Variants in CCSER1 observed in about 807,000 individuals in gnomAD.
CCSER1 encodes the protein coiled-coil serine rich protein 1.
In CCSER1, 41 loss-of-function variants were observed where a neutral mutation model predicts 82.0. That is an observed-to-expected ratio of 0.50 (90% CI 0.39 to 0.65). The LOEUF is 0.65. Ranked by LOEUF, CCSER1 falls within the 30% of genes least tolerant of loss-of-function variation. The probability of loss-of-function intolerance (pLI) is 0.00; values close to 1 mark genes in which losing one functional copy is unlikely to be tolerated. For missense variants in CCSER1, 1,119 were observed against 1,064.2 expected (o/e 1.05, Z -0.72); for synonymous variants, 414 against 383.9 (o/e 1.08, Z -0.92).
At chr4:90,210,764 TA>T (rs1739837265) in intron 1 of CCSER1, among the ~76,000 whole-genome samples, 1 of 152,186 alleles carries the variant, frequency 6.6e-6, no homozygotes, top group Admixed American at 6.5e-5. Flanking sequence ...CTATCATTTC[TA>T]ATAAAATAAA....
At chr4:90,130,936 T>C (rs1445101556) in intron 1 of CCSER1, among the ~76,000 whole-genome samples, 1 of 152,146 alleles carries the variant, frequency 6.6e-6, no homozygotes, top group Non-Finnish European at 1.5e-5. Flanking sequence ...TATTCTTGAA[T>C]TTAATTGTTA....
intron 5 of CCSER1, among the ~76,000 whole-genome samples, chr4:90,492,426 G>T (rs1052073185): frequency 1.2e-4 from 18 of 151,812 alleles, no homozygotes; most frequent in African/African-American, 4.1e-4. Flanking sequence ...TTATTAGTCT[G>T]GCTAGGAGAC....
Position 91,128,089 on chromosome 4 carries a change from A to G in CCSER1, c.2217+42095A>G, listed in dbSNP as rs58055344. On this transcript the variant is annotated intron_variant, in intron 10 of 10. Coordinates refer to ENST00000509176, the MANE Select transcript of CCSER1 (RefSeq NM_001145065.2). ...CCACATGCCACTGTGGATGTCAGCCATGCCATGTCTGTTATCAGGAGTCTG... is the reference window on the plus strand; with the variant it reads ...CCACATGCCACTGTGGATGTCAGCCGTGCCATGTCTGTTATCAGGAGTCTG... Among the ~76,000 whole-genome samples, 652 of 152,158 alleles carry G rather than the reference A, an allele frequency of 4.3e-3. 3 individuals are homozygous for G. Among genetic ancestry groups the G allele is most frequent in the African/African-American group, 0.015 (613 of 41,550 alleles).
chr4:90,924,634 G>A (rs924561923), intron 9 of CCSER1, among the ~76,000 whole-genome samples: 1 of 151,976 alleles, frequency 6.6e-6, no homozygotes, highest in Non-Finnish European at 1.5e-5. Flanking sequence ...TAATTTTATG[G>A]TCCTTAAAGA....
chr4:91,255,762 C>T (rs1224960265), intron 10 of CCSER1, among the ~76,000 whole-genome samples: 1 of 152,162 alleles, frequency 6.6e-6, no homozygotes, highest in East Asian at 1.9e-4. Flanking sequence ...ATTTCATGGA[C>T]ATTTATCACT....
intron 1 of CCSER1, among the ~76,000 whole-genome samples, chr4:90,210,594 C>T (rs1739796825): frequency 2.0e-5 from 3 of 152,010 alleles, no homozygotes; most frequent in Non-Finnish European, 4.4e-5. Flanking sequence ...CAGGCATGTG[C>T]CACCATACCT....
At chr4:90,259,751 A>G (rs1186860005) in intron 1 of CCSER1, among the ~76,000 whole-genome samples, 1 of 152,134 alleles carries the variant, frequency 6.6e-6, no homozygotes, top group Non-Finnish European at 1.5e-5. Context: ...GCTATGTGAT[A>G]TATCACATTT....
chr4:91,314,560 A>G (rs1745698841), intron 10 of CCSER1, among the ~76,000 whole-genome samples: 1 of 151,988 alleles, frequency 6.6e-6, no homozygotes, highest in African/African-American at 2.4e-5. Context: ...TGTATCCCAG[A>G]CTAGCTCTCT....
intron 6 of CCSER1, among the ~76,000 whole-genome samples, chr4:90,686,161 C>A (rs1457366487): frequency 1.3e-5 from 2 of 152,080 alleles, no homozygotes; most frequent in South Asian, 2.1e-4. Context: ...GCTTATCCAG[C>A]AAGTTATTTA....
intron 10 of CCSER1, among the ~76,000 whole-genome samples, chr4:91,530,684 C>CTT (rs35485374): frequency 1.5e-5 from 2 of 136,478 alleles, no homozygotes; most frequent in Non-Finnish European, 3.1e-5. Flanking sequence ...ATTTTTCTTT[C>CTT]TTTTTTTTTT....
chr4:90,999,575 T>C (rs1737808604), intron 9 of CCSER1, among the ~76,000 whole-genome samples: 1 of 152,134 alleles, frequency 6.6e-6, no homozygotes, highest in East Asian at 1.9e-4. Flanking sequence ...TTTAATGGGG[T>C]TATTTGTTTT....
At chr4:90,574,520 G>C (rs978854764) in intron 5 of CCSER1, among the ~76,000 whole-genome samples, 6 of 150,570 alleles carry the variant, frequency 4.0e-5, no homozygotes, top group Non-Finnish European at 8.9e-5. Context: ...CACCCGCCTC[G>C]GCCTCCCAAA....
chr4:90,895,258 A>C (rs770011695), intron 8 of CCSER1, among the ~76,000 whole-genome samples: 1 of 151,934 alleles, frequency 6.6e-6, no homozygotes, highest in Non-Finnish European at 1.5e-5. Context: ...AATAATATTT[A>C]AGGGTGCCTG....
chr4:90,918,399 G>A (rs903026945), intron 8 of CCSER1: 5 of 378,964 alleles, frequency 1.3e-5, no homozygotes, highest in South Asian at 2.0e-5. Flanking sequence ...ATTTCAGCTC[G>A]TTTTACAGCA....
At chr4:90,583,073 T>G (rs549996191) in intron 5 of CCSER1, among the ~76,000 whole-genome samples, 1 of 152,314 alleles carries the variant, frequency 6.6e-6, no homozygotes, top group East Asian at 1.9e-4. Flanking sequence ...TTATTTTACC[T>G]CAAATTAACC....
chr4:90,520,040 C>G (rs77042547), intron 5 of CCSER1, among the ~76,000 whole-genome samples: 4 of 151,924 alleles, frequency 2.6e-5, no homozygotes, highest in African/African-American at 4.8e-5. Flanking sequence ...TTAAGCCTCC[C>G]AAAGCTCCAT....
chr4:90,444,327 A>G (rs1411233947), intron 4 of CCSER1, among the ~76,000 whole-genome samples: 1 of 152,066 alleles, frequency 6.6e-6, no homozygotes, highest in East Asian at 1.9e-4. Flanking sequence ...TGTCAAAGAA[A>G]GAAGATAAGT....
intron 8 of CCSER1, among the ~76,000 whole-genome samples, chr4:90,860,367 G>A (rs936253385): frequency 2.0e-5 from 3 of 151,530 alleles, no homozygotes; most frequent in African/African-American, 7.3e-5. Flanking sequence ...ATATTAGCAA[G>A]GATATGGAGA....
At chr4:90,307,840 C>T (rs1734588086) in intron 1 of CCSER1, among the ~76,000 whole-genome samples, 1 of 151,950 alleles carries the variant, frequency 6.6e-6, no homozygotes, top group South Asian at 2.1e-4. Context: ...GGGGCATTTA[C>T]CCAGACAGAA....
Sources: gnomAD v4.1 joint callset for allele counts (sites outside exome capture counted in the v4.1 genomes callset) on GRCh38, gnomAD v4.1.1 for gene constraint, MANE v1.5 for transcripts, NCBI Gene and HGNC (gene_info 2026-07-23, HGNC 2026-07-21) for gene names.